Variants in DSEL observed in about 807,000 individuals in gnomAD.
DSEL encodes the protein dermatan-sulfate epimerase-like protein.
In DSEL, 61 loss-of-function variants were observed where a neutral mutation model predicts 96.6. That is an observed-to-expected ratio of 0.63 (90% CI 0.51 to 0.78). DSEL has a LOEUF of 0.78. Among genes scored for constraint, DSEL ranks in the 30% least tolerant of loss-of-function variants. DSEL has a pLI of 0.00. For synonymous variants in DSEL, 514 were observed against 502.0 expected, an observed-to-expected ratio of 1.02 and a Z score of -0.32; for missense variants, 1,320 against 1,430.8, an observed-to-expected ratio of 0.92 and a Z score of 1.25.
In DSEL at chr18:67,512,159, A is replaced by G. The variant is rs1358783280; in HGVS notation, c.2450T>C (p.Leu817Ser). 2 of 1,614,236 alleles carry G rather than the reference A, an allele frequency of 1.2e-6. No individual in the cohort carries two copies. Among genetic ancestry groups the G allele is most frequent in the South Asian group, 2.2e-5 (2 of 91,088 alleles). Residue 817 changes from leucine (L) to serine (S), a missense_variant, in exon 2 of 2, where the codon TTG (leucine) becomes TCG (serine). Physicochemically the swap from Leu to Ser is moderately radical, Grantham distance 145. Around this residue, in one of 3 missense-constraint regions of DSEL, gnomAD observed 986 missense variants for 1,066.4 expected, o/e 0.92. Transcript: ENST00000310045. The stretch of plus-strand genomic sequence containing the variant: ...CTGACTACAAGTGCTCCACACATCC[A>G]AAAGCTCAATAAACCACAAGGCAAT... ...LVIALWFIEL[L>S]DVWSTCSQPI... is the part of the protein sequence containing the mutation.
chr18:67,510,736 T>C lies in DSEL; in HGVS notation c.*234A>G, dbSNP rs2144047320. The stretch of plus-strand genomic sequence containing the variant: ...CTACCACTCTGTAGCAGAAACTTTT[T>C]AGCAGACAAAATTTTCAGAAACAAA... On this transcript the variant is annotated 3_prime_UTR_variant, in exon 2 of 2. Transcript: ENST00000310045. 2.1e-6 allele frequency: 1 copy of C among 480,158 alleles called. No individual in the cohort carries two copies. Among genetic ancestry groups the C allele is most frequent in the Middle Eastern group, 5.3e-4 (1 of 1,882 alleles). The allele number at this position is 480,158 out of a possible 1,614,324, so 29.7% of individuals were successfully genotyped here.
intron 1 of DSEL, among the ~76,000 whole-genome samples, chr18:67,515,885 G>A (rs914881657): frequency 1.3e-5 from 2 of 148,270 alleles, no homozygotes; most frequent in South Asian, 2.1e-4. Context: ...ACAAAAAACT[G>A]AAAGTTGAAA....
chr18:67,510,845 A>G lies in DSEL; in HGVS notation c.*125T>C. ...TTAAAACAATCTCTCTGTGCAAACA[A>G]CACTGAACACATACACGCGTGCACA... On this transcript the variant is annotated 3_prime_UTR_variant, in exon 2 of 2. Coordinates refer to ENST00000310045, the MANE Select transcript of DSEL (RefSeq NM_032160.3). 2.7e-6 allele frequency: 2 copies of G among 747,308 alleles called. No individual in the cohort carries two copies. Among genetic ancestry groups the G allele is most frequent in the South Asian group, 2.2e-5 (1 of 45,470 alleles). The allele number at this position is 747,308 out of a possible 1,614,324, so 46.3% of individuals were successfully genotyped here.
At position 67,512,323 on chromosome 18, in the gene DSEL, A is replaced by C; in HGVS notation, c.2286T>G (p.Asp762Glu). The change falls in exon 2 of 2, where the codon GAT becomes GAG. Residue 762 changes from aspartate (D) to glutamate (E), a missense_variant. By Grantham distance (45) the Asp-to-Glu change is conservative. Coordinates refer to ENST00000310045, the MANE Select transcript of DSEL (RefSeq NM_032160.3). Reference sequence around the variant, plus strand: ...TAAATCCAAAGGGGAAAATAATCCTATCATGTCTTACAGGCTTTACTATTG... The same window carrying C: ...TAAATCCAAAGGGGAAAATAATCCTCTCATGTCTTACAGGCTTTACTATTG... ...TQAIVKPVRH[D>E]RIIFPFGFKF... 1 of 1,614,248 alleles carries C rather than the reference A, an allele frequency of 6.2e-7. No homozygotes were observed. The highest frequency in any genetic ancestry group is 8.5e-7 in the Non-Finnish European group (1 of 1,180,052).
In DSEL at chr18:67,513,029, T is replaced by G. The variant is rs1377881165; in HGVS notation, c.1580A>C (p.Lys527Thr). ...ATCACCAACCTCCTCGCCAGTCCAC[T>G]TAAGCCACTGCGCACATTCTCCCAG... Reference protein sequence around the residue: ...GQLGECAQWLKWTGEEVGDAA... With the variant: ...GQLGECAQWLTWTGEEVGDAA... Residue 527 changes from lysine (K) to threonine (T), a missense_variant, in exon 2 of 2, where the codon AAG becomes ACG. Around this residue, in one of 3 missense-constraint regions of DSEL, gnomAD observed 986 missense variants for 1,066.4 expected, o/e 0.92. Coordinates refer to ENST00000310045, the MANE Select transcript of DSEL (RefSeq NM_032160.3). 1 of 1,614,084 alleles carries G rather than the reference T, an allele frequency of 6.2e-7. No individual in the cohort carries two copies. Among genetic ancestry groups the G allele is most frequent in the East Asian group, 2.2e-5 (1 of 44,888 alleles).
At position 67,513,551 on chromosome 18, in the gene DSEL, T is replaced by C; in HGVS notation, c.1058A>G (p.Lys353Arg). 6.2e-7 allele frequency: 1 copy of C among 1,614,204 alleles called. No homozygotes were observed. Among genetic ancestry groups the C allele is most frequent in the Non-Finnish European group, 8.5e-7 (1 of 1,180,036 alleles). Reference protein sequence around the residue: ...QLVFLDKFILKNGAGNWLAQQ... With the variant: ...QLVFLDKFILRNGAGNWLAQQ... ...AGCTAACCAATTTCCAGCTCCATTC[T>C]TTAAGATGAACTTATCCAAGAAAAC... The change falls in exon 2 of 2, where the codon AAG becomes AGG. Residue 353 changes from lysine (K) to arginine (R), a missense_variant. By Grantham distance (26) the Lys-to-Arg change is conservative. Around this residue, in one of 3 missense-constraint regions of DSEL, gnomAD observed 986 missense variants for 1,066.4 expected, o/e 0.92. Coordinates refer to ENST00000310045, the MANE Select transcript of DSEL (RefSeq NM_032160.3).
chr18:67,509,822 C>T lies in DSEL; in HGVS notation c.*1148G>A, dbSNP rs1257769476. The T allele has an allele frequency of 2.0e-5, 3 of 152,632 alleles. No homozygotes were observed. Among genetic ancestry groups the T allele is most frequent in the African/African-American group, 7.2e-5 (3 of 41,442 alleles). The allele number at this position is 152,632 out of a possible 1,614,324, so 9.5% of individuals were successfully genotyped here. ...GAGCCTACCAAAATAAAATAAACCA[C>T]ACTTTATGACGACTACATTTATAAT... On this transcript the variant is annotated 3_prime_UTR_variant, in exon 2 of 2. Coordinates refer to ENST00000310045, the MANE Select transcript of DSEL (RefSeq NM_032160.3).
chr18:67,512,382 C>T lies in DSEL; in HGVS notation c.2227G>A (p.Gly743Ser), dbSNP rs774999976. Reference sequence around the variant, plus strand: ...CCCAAACCAAATCGGGTTATTTGGCCTTGATCAGCCACACTGGCAAAGCCA... The same window carrying T: ...CCCAAACCAAATCGGGTTATTTGGCTTTGATCAGCCACACTGGCAAAGCCA... Reference protein sequence around the residue: ...FGGFASVADQGQITRFGLGTQ... With the variant: ...FGGFASVADQSQITRFGLGTQ... The change falls in exon 2 of 2, where the codon GGC becomes AGC. Residue 743 changes from glycine (G) to serine (S), a missense_variant. Physicochemically the swap from Gly to Ser is moderately conservative, Grantham distance 56. Around this residue, in one of 3 missense-constraint regions of DSEL, gnomAD observed 986 missense variants for 1,066.4 expected, o/e 0.92. Transcript: ENST00000310045. 1.2e-6 allele frequency: 2 copies of T among 1,614,042 alleles called. No homozygotes were observed. Among genetic ancestry groups the T allele is most frequent in the East Asian group, 2.2e-5 (1 of 44,888 alleles).
rs1271836029 is a variant in DSEL at position 67,506,919 on chromosome 18, T to A, written c.*4051A>T. 6.6e-6 allele frequency: 1 copy of A among 152,190 alleles called. No individual in the cohort carries two copies. The highest frequency in any genetic ancestry group is 2.4e-5 in the African/African-American group (1 of 41,444). The allele number at this position is 152,190 out of a possible 1,614,324, so 9.4% of individuals were successfully genotyped here. A position where few individuals can be genotyped will look rare whatever the true frequency, so the allele number is the denominator to read the frequency against. ...ATGCAAAAATCCAAAGTCATTTGCG[T>A]CTTTAAAAATGATATGGATAATTTT... On this transcript the variant is annotated 3_prime_UTR_variant, in exon 2 of 2. Transcript: ENST00000310045.
At position 67,512,440 on chromosome 18, in the gene DSEL, G is replaced by A; in HGVS notation, c.2169C>T (p.Asn723=). Reference sequence around the variant, plus strand: ...CCAGATAATTGAATCTTGTCTTCAGGTTATGGTAATCAGTTACAATAGAAA... The same window carrying A: ...CCAGATAATTGAATCTTGTCTTCAGATTATGGTAATCAGTTACAATAGAAA... ...HVVSIVTDYH[N]LKTRFNYLGF... The change falls in exon 2 of 2, where the codon AAC becomes AAT. Residue 723 remains asparagine, a synonymous_variant. Transcript: ENST00000310045. The A allele has an allele frequency of 6.2e-7, 1 of 1,614,134 alleles. No homozygotes were observed. The highest frequency in any genetic ancestry group is 8.5e-7 in the Non-Finnish European group (1 of 1,180,032).
At position 67,513,903 on chromosome 18, in the gene DSEL, C is replaced by A; in HGVS notation, c.706G>T (p.Ala236Ser). 1.9e-6 allele frequency: 3 copies of A among 1,614,134 alleles called. No homozygotes were observed. The highest frequency in any genetic ancestry group is 2.5e-6 in the Non-Finnish European group (3 of 1,180,018). ...ATNMIALLTGALVTGVDKGSK... is the reference protein window; with the variant it reads ...ATNMIALLTGSLVTGVDKGSK... ...CCTTTATCTACTCCAGTCACCAAGG[C>A]CCCTGTGAGTAATGCTATCATATTA... Residue 236 changes from alanine to serine, a missense_variant, in exon 2 of 2, where the codon GCC becomes TCC. Physicochemically the swap from Ala to Ser is moderately conservative, Grantham distance 99. This residue lies in a region of DSEL where 323 missense variants were observed against 333.1 expected (regional missense o/e 0.97). Coordinates refer to ENST00000310045, the MANE Select transcript of DSEL (RefSeq NM_032160.3).
Position 67,511,137 on chromosome 18 carries a change from A to G in DSEL, c.3472T>C (p.Leu1158=), listed in dbSNP as rs369427381. The G allele has an allele frequency of 1.1e-5, 18 of 1,614,060 alleles. No homozygotes were observed. Among genetic ancestry groups the G allele is most frequent in the Non-Finnish European group, 1.4e-5 (17 of 1,180,030 alleles). ...AAAAGGTTTGTAGAGGTGGCAAACA[A>G]TATTTGGTTTAAACTAGCAGGAGAC... The part of the protein sequence containing the change: ...PLSPASLNQI[L]FATSTNLFYL... The change falls in exon 2 of 2, where the codon TTG becomes CTG. Residue 1158 remains leucine, a synonymous_variant. Coordinates refer to ENST00000310045, the MANE Select transcript of DSEL (RefSeq NM_032160.3).
Position 67,515,503 on chromosome 18 carries a change from G to T in DSEL, c.-884-11C>A, listed in dbSNP as rs2089470714. On this transcript the variant is annotated splice_polypyrimidine_tract_variant and intron_variant, in intron 1 of 1. Transcript: ENST00000310045. ...TTTCATGACACTTTTCTGGGGATGG[G>T]GGACAAAATAAAAATTCTCTGAGGC... The T allele has an allele frequency of 5.4e-5, 9 of 166,450 alleles. No homozygotes were observed. 10.3% of individuals were successfully genotyped at this position (166,450 alleles called of 1,614,324 possible).
Position 67,513,788 on chromosome 18 carries a change from T to A in DSEL, c.821A>T (p.Asp274Val). ...GTAGCTTCCATAGGCCACACCTTCA[T>A]CCAAAGAACCATCAACAATATGATT... ...LLNHIVDGSL[D>V]EGVAYGSYTA... Residue 274 changes from aspartate to valine, a missense_variant, in exon 2 of 2, where the codon GAT (aspartate) becomes GTT (valine). Asp to Val is a radical substitution (Grantham distance 152). This residue lies in a region of DSEL where 323 missense variants were observed against 333.1 expected (regional missense o/e 0.97). Coordinates refer to ENST00000310045, the MANE Select transcript of DSEL (RefSeq NM_032160.3). The A allele has an allele frequency of 6.2e-7, 1 of 1,614,210 alleles. No individual in the cohort carries two copies. The highest frequency in any genetic ancestry group is 8.5e-7 in the Non-Finnish European group (1 of 1,180,046).
rs369275050 is a variant in DSEL at position 67,514,206 on chromosome 18, A to T, written c.403T>A (p.Cys135Ser). 6.2e-7 allele frequency: 1 copy of T among 1,614,106 alleles called. No homozygotes were observed. Among genetic ancestry groups the T allele is most frequent in the African/African-American group, 1.3e-5 (1 of 74,936 alleles). Residue 135 changes from cysteine to serine, a missense_variant, in exon 2 of 2, where the codon TGC becomes AGC. Physicochemically the swap from Cys to Ser is moderately radical, Grantham distance 112. Coordinates refer to ENST00000310045, the MANE Select transcript of DSEL (RefSeq NM_032160.3). ...TCAAAGGCAACTTTGTCTTCTGGGCATAACAAACAGTACAATGCTAAAGGA... is the reference window on the plus strand; with the variant it reads ...TCAAAGGCAACTTTGTCTTCTGGGCTTAACAAACAGTACAATGCTAAAGGA... ...LPPLALYCLL[C>S]PEDKVAFEFV...
rs1249726609 is a variant in DSEL, at chr18:67,511,535, C to T, written c.3074G>A (p.Arg1025Lys). The T allele has an allele frequency of 1.9e-6, 3 of 1,613,466 alleles. No individual in the cohort carries two copies. Among genetic ancestry groups the T allele is most frequent in the Non-Finnish European group, 2.5e-6 (3 of 1,179,958 alleles). Residue 1025 changes from arginine (R) to lysine (K), a missense_variant, in exon 2 of 2, where the codon AGG (arginine) becomes AAG (lysine). Arg to Lys is a conservative substitution (Grantham distance 26). Around this residue, in one of 3 missense-constraint regions of DSEL, gnomAD observed 986 missense variants for 1,066.4 expected, o/e 0.92. Transcript: ENST00000310045. ...FFQEVLGASM[R>K]ALYIVRDPRA... ...AGGGTCTCTTACTATGTACAATGCC[C>T]TCATCGAAGCTCCTAAAACTTCCTG...
rs776077829 is a variant in DSEL, at chr18:67,513,624, T to C, written c.985A>G (p.Ile329Val). ...AACCAATTATAATTGGAATCTGCTATACCCACAGTTCTTTGGAAGCCAGGT... is the reference window on the plus strand; with the variant it reads ...AACCAATTATAATTGGAATCTGCTACACCCACAGTTCTTTGGAAGCCAGGT... ...LLPGFQRTVG[I>V]ADSNYNWFYG... The change falls in exon 2 of 2, where the codon ATA becomes GTA. Residue 329 changes from isoleucine to valine, a missense_variant. By Grantham distance (29) the Ile-to-Val change is conservative. This residue lies in a region of DSEL where 986 missense variants were observed against 1,066.4 expected (regional missense o/e 0.92). Transcript: ENST00000310045. 6.8e-6 allele frequency: 11 copies of C among 1,614,106 alleles called. No individual in the cohort carries two copies. Among genetic ancestry groups the C allele is most frequent in the Middle Eastern group, 3.3e-4 (2 of 6,084 alleles).
At position 67,513,646 on chromosome 18, in the gene DSEL, A is replaced by C; in HGVS notation, c.963T>G (p.Pro321=). 6.2e-7 allele frequency: 1 copy of C among 1,614,202 alleles called. No homozygotes were observed. The highest frequency in any genetic ancestry group is 8.5e-7 in the Non-Finnish European group (1 of 1,180,036). The part of the protein sequence containing the change: ...HFWFYYATLL[P]GFQRTVGIAD... ...CTATACCCACAGTTCTTTGGAAGCCAGGTAAAAGGGTGGCATAATAGAACC... is the reference window on the plus strand; with the variant it reads ...CTATACCCACAGTTCTTTGGAAGCCCGGTAAAAGGGTGGCATAATAGAACC... The change falls in exon 2 of 2, where the codon CCT becomes CCG. Residue 321 remains proline (P), a synonymous_variant. Coordinates refer to ENST00000310045, the MANE Select transcript of DSEL (RefSeq NM_032160.3).
rs2089421678 is a variant in DSEL, at chr18:67,508,348, T to TACCC, written c.*2618_*2621dup. 6.6e-6 allele frequency: 1 copy of TACCC among 152,212 alleles called. No homozygotes were observed. The highest frequency in any genetic ancestry group is 2.1e-4 in the South Asian group (1 of 4,824). The allele number at this position is 152,212 out of a possible 1,614,324, so 9.4% of individuals were successfully genotyped here. Reference sequence around the variant, plus strand: ...TCTCAGGCACCATCACATGCATACATACCCAATGGATGTGTCACCCGCTCA... The same window carrying TACCC: ...TCTCAGGCACCATCACATGCATACATACCCACCCAATGGATGTGTCACCCGCTCA... On this transcript the variant is annotated 3_prime_UTR_variant, in exon 2 of 2. Transcript: ENST00000310045.
Sources: gnomAD v4.1 joint callset for allele counts (sites outside exome capture counted in the v4.1 genomes callset) on GRCh38, gnomAD v4.1.1 for gene constraint, gnomAD v4.1.1 regional missense constraint, MANE v1.5 for transcripts, NCBI Gene and HGNC (gene_info 2026-07-23, HGNC 2026-07-21) for gene names.